SMOC2: variants seen among roughly 807,000 people sequenced by gnomAD.
SMOC2 encodes the protein SPARC-related modular calcium-binding protein 2.
SMOC2 carries 39 observed loss-of-function variants against 61.4 expected under a neutral mutation model. That is an observed-to-expected ratio of 0.64 (90% confidence interval 0.49 to 0.83). The LOEUF is 0.83. Among genes scored for constraint, SMOC2 ranks in the 40% least tolerant of loss-of-function variants. The pLI, the probability that SMOC2 is intolerant of heterozygous loss-of-function variation, is 0.00. For synonymous variants in SMOC2, 247 were observed against 239.9 expected (o/e 1.03, Z -0.27); for missense variants, 556 against 592.9 (o/e 0.94, Z 0.65).
At chr6:168,450,404 G>T (rs1036134972) in intron 1 of SMOC2, among the ~76,000 whole-genome samples, 4 of 152,174 alleles carry the variant, frequency 2.6e-5, no homozygotes, top group Non-Finnish European at 5.9e-5. Context: ...ATCTCTTAAT[G>T]AATCAACAGG....
At chr6:168,514,881 G>A (rs1783095001) in intron 2 of SMOC2, among the ~76,000 whole-genome samples, 1 of 152,164 alleles carries the variant, frequency 6.6e-6, no homozygotes, top group African/African-American at 2.4e-5. Context: ...GAGGGAGGAT[G>A]GTTGGTCCAT....
intron 1 of SMOC2, among the ~76,000 whole-genome samples, chr6:168,451,362 C>T (rs575260826): frequency 6.6e-6 from 1 of 152,332 alleles, no homozygotes; most frequent in Non-Finnish European, 1.5e-5. Flanking sequence ...CCTCATTCTG[C>T]CACATGCGAA....
intron 10 of SMOC2, among the ~76,000 whole-genome samples, chr6:168,651,025 G>A (rs553442603): frequency 1.3e-5 from 2 of 152,340 alleles, no homozygotes; most frequent in African/African-American, 4.8e-5. Context: ...GGGCCTCTGC[G>A]GGGTAGTGGG....
chr6:168,611,904 G>C (rs548742401), intron 9 of SMOC2, among the ~76,000 whole-genome samples: 2 of 152,272 alleles, frequency 1.3e-5, no homozygotes, highest in African/African-American at 4.8e-5. Context: ...TGTCCAGCTT[G>C]TTCCCACCTG....
chr6:168,594,776 C>T (rs371810629), intron 7 of SMOC2, among the ~76,000 whole-genome samples: 1 of 58,116 alleles, frequency 1.7e-5, no homozygotes, highest in Non-Finnish European at 4.6e-5. Flanking sequence ...TTCCTGAGGC[C>T]TCACGGGCAT....
chr6:168,607,474 A>T lies in SMOC2; in HGVS notation c.825-683A>T, dbSNP rs549008425. Among the ~76,000 whole-genome samples, 4 of 152,280 alleles carry T rather than the reference A, an allele frequency of 2.6e-5. No individual in the cohort carries two copies. The South Asian group carries it at 8.3e-4, about 32-fold the overall frequency. On this transcript the variant is annotated intron_variant, in intron 8 of 12. Transcript: ENST00000356284. ...TAGTACCACAGAGCCACTTGCTCCCATGAGCTCTGCAACCGCAGCAGCCAG... is the reference window on the plus strand; with the variant it reads ...TAGTACCACAGAGCCACTTGCTCCCTTGAGCTCTGCAACCGCAGCAGCCAG...
chr6:168,598,603 A>AG (rs1785388680), intron 7 of SMOC2, among the ~76,000 whole-genome samples: 1 of 152,118 alleles, frequency 6.6e-6, no homozygotes, highest in Non-Finnish European at 1.5e-5. Context: ...TGCTGTTGAG[A>AG]GATCCGTGAT....
chr6:168,627,598 A>G (rs1391169387), intron 9 of SMOC2, among the ~76,000 whole-genome samples: 1 of 152,212 alleles, frequency 6.6e-6, no homozygotes, highest in South Asian at 2.1e-4. Context: ...ATAAACTTCC[A>G]TTCAATGGAG....
intron 9 of SMOC2, among the ~76,000 whole-genome samples, chr6:168,619,350 G>A (rs1298397619): frequency 4.3e-5 from 6 of 140,936 alleles, no homozygotes; most frequent in Non-Finnish European, 8.0e-5. Context: ...AAAGGCATCT[G>A]CCAGACAAAT....
chr6:168,651,692 A>G (rs1451887587), intron 10 of SMOC2, among the ~76,000 whole-genome samples: 1 of 152,198 alleles, frequency 6.6e-6, no homozygotes, highest in African/African-American at 2.4e-5. Flanking sequence ...AGAAGACTTA[A>G]GGAAATAAAA....
At chr6:168,507,510 T>C (rs1782900978) in intron 1 of SMOC2, among the ~76,000 whole-genome samples, 1 of 152,184 alleles carries the variant, frequency 6.6e-6, no homozygotes, top group Non-Finnish European at 1.5e-5. Context: ...TTTTATAAGA[T>C]CCAAGCAGCG....
chr6:168,655,316 C>A (rs1173861271), intron 11 of SMOC2: 3 of 439,796 alleles, frequency 6.8e-6, no homozygotes, highest in Non-Finnish European at 1.4e-5. Flanking sequence ...GTGGCCCAGA[C>A]CAGTTATTCC....
chr6:168,587,993 C>A, intron 7 of SMOC2, among the ~76,000 whole-genome samples: 1 of 141,888 alleles, frequency 7.0e-6, no homozygotes, highest in East Asian at 2.4e-4. Context: ...GATCCAGGCA[C>A]TGGCAGATTT....
At position 168,566,479 on chromosome 6, in the gene SMOC2, CTT is replaced by C. The variant is rs10553952; in HGVS notation, c.637+17296_637+17297del. ...CTTTATTATGGATATTGTAGCACTT[CTT>C]TTTTTTTTTTTTTTTTTTTGAAACA... is the stretch of plus-strand genomic sequence containing the variant. On this transcript the variant is annotated intron_variant, in intron 7 of 12. Transcript: ENST00000356284. Among the ~76,000 whole-genome samples, 514 of 118,236 alleles carry C rather than the reference CTT, an allele frequency of 4.3e-3. 1 individual carries two copies. The highest frequency in any genetic ancestry group is 0.015 in the African/African-American group (488 of 31,860). 77.6% of individuals were successfully genotyped at this position (118,236 alleles called of 152,430 possible).
chr6:168,489,743 A>G (rs533210779), intron 1 of SMOC2, among the ~76,000 whole-genome samples: 1 of 152,158 alleles, frequency 6.6e-6, no homozygotes, highest in Non-Finnish European at 1.5e-5. Flanking sequence ...AGAATGAAAT[A>G]TATCAAATCG....
rs750884845 is a variant in SMOC2, at chr6:168,453,130, G to A, written c.84+11676G>A. 6.6e-6 allele frequency among the ~76,000 whole-genome samples: 1 copy of A among 152,056 alleles called. No individual in the cohort carries two copies. Among genetic ancestry groups the A allele is most frequent in the African/African-American group, 2.4e-5 (1 of 41,442 alleles). On this transcript the variant is annotated intron_variant, in intron 1 of 12. Coordinates refer to ENST00000356284, the MANE Select transcript of SMOC2 (RefSeq NM_001166412.2). The surrounding 1 kb of genome is among the most constrained non-coding windows in gnomAD (Gnocchi z 4.4). ...AATCTGCCCTGAGGAATTCAGGGCA[G>A]TGTGGCTTGAATCTGCTGTCCGACG...
chr6:168,652,870 GT>G, intron 10 of SMOC2, 83 bp from the exon 11 acceptor site: 9 of 1,336,672 alleles, frequency 6.7e-6, no homozygotes, highest in Non-Finnish European at 9.4e-6. Flanking sequence ...ACAAGCAGGG[GT>G]TATGGGTTTG....
chr6:168,469,355 G>A (rs1218580701), intron 1 of SMOC2, among the ~76,000 whole-genome samples: 1 of 152,176 alleles, frequency 6.6e-6, no homozygotes, highest in Non-Finnish European at 1.5e-5. Flanking sequence ...GCTTTCGCCC[G>A]AGGAAAGTTT....
intron 9 of SMOC2, among the ~76,000 whole-genome samples, chr6:168,620,410 C>G (rs1786213986): frequency 6.6e-6 from 1 of 152,040 alleles, no homozygotes; most frequent in Non-Finnish European, 1.5e-5. Context: ...AGATCCAGCT[C>G]CCGTACTCTG....
Sources: gnomAD v4.1 joint callset for allele counts (sites outside exome capture counted in the v4.1 genomes callset) on GRCh38, gnomAD v4.1.1 for gene constraint, Gnocchi (gnomAD v3.1) non-coding constraint, MANE v1.5 for transcripts, NCBI Gene and HGNC (gene_info 2026-07-23, HGNC 2026-07-21) for gene names.